The following PTGIS variants were observed in gnomAD, a reference collection of about 807,000 sequenced individuals.
The protein encoded by PTGIS is prostacyclin synthase.
A neutral mutation model predicts 50.3 loss-of-function variants in PTGIS; 45 were observed. The ratio of observed to expected loss-of-function variants is 0.90; its 90% confidence interval spans 0.70 to 1.15. The LOEUF is 1.15. Among genes scored for constraint, PTGIS ranks in the 50% most tolerant of loss-of-function variants. The pLI, the probability that PTGIS is intolerant of heterozygous loss-of-function variation, is 0.00. For missense variants in PTGIS, 668 were observed against 661.3 expected, an observed-to-expected ratio of 1.01 and a Z score of -0.11; for synonymous variants, 260 against 267.7, an observed-to-expected ratio of 0.97 and a Z score of 0.28.
chr20:49,561,495 C>T (rs1376288874), intron 1 of PTGIS, among the ~76,000 whole-genome samples: 1 of 152,200 alleles, frequency 6.6e-6, no homozygotes, highest in East Asian at 1.9e-4. Context: ...CTGAAGTCTC[C>T]ACGTGTCGTG....
intron 9 of PTGIS, among the ~76,000 whole-genome samples, chr20:49,508,393 C>T (rs1009202585): frequency 2.0e-5 from 3 of 152,192 alleles, no homozygotes; most frequent in African/African-American, 4.8e-5. Flanking sequence ...CACATTGAGA[C>T]GGTGGAGCCG....
At chr20:49,552,709 T>G (rs1982543194) in intron 1 of PTGIS, among the ~76,000 whole-genome samples, 1 of 152,158 alleles carries the variant, frequency 6.6e-6, no homozygotes, top group Admixed American at 6.5e-5. Flanking sequence ...ACACTATAAC[T>G]TAACAGCACC....
intron 8 of PTGIS, among the ~76,000 whole-genome samples, chr20:49,512,350 T>C (rs936153342): frequency 6.6e-6 from 1 of 151,538 alleles, no homozygotes; most frequent in Non-Finnish European, 1.5e-5. Flanking sequence ...GATGAGTGGA[T>C]GGGTGGCTGG....
chr20:49,509,826 G>A (rs1981260377), intron 9 of PTGIS, among the ~76,000 whole-genome samples: 1 of 138,634 alleles, frequency 7.2e-6, no homozygotes, highest in South Asian at 2.3e-4. Context: ...GTTTTTGAGT[G>A]TTGGCCCCAG....
At position 49,524,168 on chromosome 20, in the gene PTGIS, G is replaced by A. The variant is rs146513003; in HGVS notation, c.745C>T (p.Arg249Trp). 1.5e-4 allele frequency: 239 copies of A among 1,614,140 alleles called. 1 individual carries two copies. In the East Asian group the frequency reaches 3.1e-3, roughly 21 times the overall value. The part of the protein sequence containing the change: ...KLLSPARLAR[R>W]AHRSKWLESY... ...TCCAGCCATTTGCTCCGGTGGGCCC[G>A]CCTGGCCAGCCTGGCTGGGGATAGC... Residue 249 changes from arginine (R) to tryptophan (W), a missense_variant, in exon 6 of 10, where the codon CGG becomes TGG. By Grantham distance (101) the Arg-to-Trp change is moderately radical (BLOSUM62 -3). Transcript: ENST00000244043.
At position 49,550,172 on chromosome 20, in the gene PTGIS, G is replaced by A; in HGVS notation, c.92C>T (p.Pro31Leu). Residue 31 changes from proline (P) to leucine (L), a missense_variant, in exon 2 of 10, where the codon CCC (proline) becomes CTC (leucine). By Grantham distance (98) the Pro-to-Leu change is moderately conservative. Coordinates refer to ENST00000244043, the MANE Select transcript of PTGIS (RefSeq NM_000961.4). Reference sequence around the variant, plus strand: ...CCAGGGGATGCTGCCCAGGTCCAGGGGAGGCTCACCAGGTCGCCTACAGAA... The same window carrying A: ...CCAGGGGATGCTGCCCAGGTCCAGGAGAGGCTCACCAGGTCGCCTACAGAA... Reference protein sequence around the residue: ...RRRTRRPGEPPLDLGSIPWLG... With the variant: ...RRRTRRPGEPLLDLGSIPWLG... 1 of 1,613,466 alleles carries A rather than the reference G, an allele frequency of 6.2e-7. No individual in the cohort carries two copies. The highest frequency in any genetic ancestry group is 1.7e-5 in the Admixed American group (1 of 60,022).
At chr20:49,549,360 T>C (rs1320200400) in intron 2 of PTGIS, among the ~76,000 whole-genome samples, 1 of 152,204 alleles carries the variant, frequency 6.6e-6, no homozygotes, top group Non-Finnish European at 1.5e-5. Context: ...AAATAAATAG[T>C]TGTTAAACTA....
intron 7 of PTGIS, among the ~76,000 whole-genome samples, chr20:49,513,961 G>A (rs1981399756): frequency 6.6e-6 from 1 of 152,210 alleles, no homozygotes; most frequent in Non-Finnish European, 1.5e-5. Flanking sequence ...ACCTGTGCCT[G>A]AAGCCAATCC....
intron 1 of PTGIS, among the ~76,000 whole-genome samples, chr20:49,551,185 C>A (rs1022989136): frequency 6.6e-6 from 1 of 151,966 alleles, no homozygotes; most frequent in African/African-American, 2.4e-5. Context: ...CCAGCCAGGG[C>A]GACAAAGCAA....
intron 1 of PTGIS, among the ~76,000 whole-genome samples, chr20:49,567,802 C>T (rs1296852048): frequency 1.3e-5 from 2 of 152,172 alleles, no homozygotes; most frequent in Non-Finnish European, 1.5e-5. Flanking sequence ...CGATTCGCCC[C>T]GGGGGACCTA....
In PTGIS at chr20:49,515,273, A is replaced by C. The variant is rs1048366224; in HGVS notation, c.856-878T>G. Among the ~76,000 whole-genome samples the C allele has an allele frequency of 7.9e-5, 12 of 152,344 alleles. No individual in the cohort carries two copies. The East Asian group carries it at 2.1e-3, about 27-fold the overall frequency. The stretch of plus-strand genomic sequence containing the variant: ...AACAAAGCCGCAATCATCATTGATG[A>C]CTGAAAGCTATGAATAAAAATTATT... On this transcript the variant is annotated intron_variant, in intron 6 of 9. Coordinates refer to ENST00000244043, the MANE Select transcript of PTGIS (RefSeq NM_000961.4).
rs75189189 is a variant in PTGIS at position 49,561,337 on chromosome 20, C to A, written c.74+6706G>T. ...ATTTGAGGGCCTAGGAAGTGCCTCT[C>A]CCAACCATTCCCTCCTCTCCCCAGC... On this transcript the variant is annotated intron_variant, in intron 1 of 9. Transcript: ENST00000244043. Among the ~76,000 whole-genome samples, 254 of 152,310 alleles carry A rather than the reference C, an allele frequency of 1.7e-3. 2 individuals carry two copies. The South Asian group carries it at 0.042, about 25-fold the overall frequency.
At chr20:49,551,405 C>T (rs1474192843) in intron 1 of PTGIS, among the ~76,000 whole-genome samples, 1 of 152,150 alleles carries the variant, frequency 6.6e-6, no homozygotes, top group Non-Finnish European at 1.5e-5. Flanking sequence ...GTCTTCACAA[C>T]CTCTTATTAT....
At chr20:49,508,138 C>G (rs1981206465) in intron 9 of PTGIS, 74 bp from the exon 10 acceptor site, 4 of 1,540,440 alleles carry the variant, frequency 2.6e-6, no homozygotes, top group Non-Finnish European at 2.7e-6. Context: ...GGCAGGGGAG[C>G]CATGGCTGCC....
Position 49,540,088 on chromosome 20 carries a change from A to G in PTGIS, c.522-367T>C, listed in dbSNP as rs1357727133. On this transcript the variant is annotated intron_variant, in intron 4 of 9. Coordinates refer to ENST00000244043, the MANE Select transcript of PTGIS (RefSeq NM_000961.4). This position sits in a 1 kb window ranked among gnomAD's most constrained non-coding sequence, Gnocchi z 4.8. ...TCAAGCTGACAGCTGAAGGCTGAGA[A>G]GGAGTCAGCCATGGGCAGAGCAGAG... 6.6e-6 allele frequency among the ~76,000 whole-genome samples: 1 copy of G among 151,926 alleles called. No individual in the cohort carries two copies. The highest frequency in any genetic ancestry group is 2.0e-4 in the East Asian group (1 of 5,118).
chr20:49,533,509 A>G (rs902526136), intron 5 of PTGIS, among the ~76,000 whole-genome samples: 1 of 152,182 alleles, frequency 6.6e-6, no homozygotes, highest in Non-Finnish European at 1.5e-5. Context: ...ATATATTTAT[A>G]CTTTAAAAAG....
chr20:49,564,022 A>G (rs1982836868), intron 1 of PTGIS, among the ~76,000 whole-genome samples: 1 of 152,212 alleles, frequency 6.6e-6, no homozygotes, highest in Non-Finnish European at 1.5e-5. Flanking sequence ...CACAAGGCAA[A>G]TCAATTAGTT....
chr20:49,564,768 G>A (rs1183618986), intron 1 of PTGIS, among the ~76,000 whole-genome samples: 1 of 152,126 alleles, frequency 6.6e-6, no homozygotes, highest in Admixed American at 6.5e-5. Flanking sequence ...GCCTAGATGT[G>A]GAGTATAATT....
At chr20:49,513,367 G>C in intron 7 of PTGIS, 106 bp from the exon 8 acceptor site, 1 of 1,310,388 alleles carries the variant, frequency 7.6e-7, no homozygotes, top group Non-Finnish European at 1.1e-6. Context: ...GCTCAGAGAG[G>C]GTGCCTGCCT....
Sources: gnomAD v4.1 joint callset for allele counts (sites outside exome capture counted in the v4.1 genomes callset) on GRCh38, gnomAD v4.1.1 for gene constraint, Gnocchi (gnomAD v3.1) non-coding constraint, MANE v1.5 for transcripts, NCBI Gene and HGNC (gene_info 2026-07-23, HGNC 2026-07-21) for gene names.